Variants in UBR2 observed in about 807,000 individuals in gnomAD.
The protein encoded by UBR2 is E3 ubiquitin-protein ligase UBR2.
Under a neutral mutation model 247.9 loss-of-function variants are expected in UBR2, and 92 were observed. That is an observed-to-expected ratio of 0.37 (90% CI 0.31 to 0.44). UBR2 has a LOEUF of 0.44. UBR2 is among the 20% of genes least tolerant of loss of function. The probability of loss-of-function intolerance (pLI) is 1.00; values close to 1 mark genes in which losing one functional copy is unlikely to be tolerated. For synonymous variants in UBR2, 672 were observed against 693.5 expected (o/e 0.97, Z 0.49); for missense variants, 1,613 against 2,112.6 (o/e 0.76, Z 4.64).
intron 2 of UBR2, among the ~76,000 whole-genome samples, chr6:42,583,113 G>GCT (rs1792015449): frequency 6.6e-6 from 1 of 152,086 alleles, no homozygotes; most frequent in African/African-American, 2.4e-5. Flanking sequence ...TGTTTCTATG[G>GCT]TGGCTTTTGA....
At position 42,618,512 on chromosome 6, in the gene UBR2, C is replaced by T. The variant is rs537880856; in HGVS notation, c.1281+1005C>T. ...TATATTCTAATACAGTGGAAGCTGA[C>T]TGGAGTCTGTTTACCCATTAATGAG... On this transcript the variant is annotated intron_variant, in intron 11 of 46. Transcript: ENST00000372901. Among the ~76,000 whole-genome samples the T allele has an allele frequency of 1.9e-3, 282 of 152,280 alleles. 2 individuals carry two copies. The highest frequency in any genetic ancestry group is 6.5e-3 in the African/African-American group (272 of 41,562).
At position 42,573,769 on chromosome 6, in the gene UBR2, G is replaced by C. The variant is rs950978870; in HGVS notation, c.114G>C (p.Val38=). The part of the protein sequence containing the change: ...WLQATDLTRE[V]YQHLAHYVPK... The stretch of plus-strand genomic sequence containing the variant: ...AAGCAACTGACCTCACTAGAGAAGT[G>C]TACCAGCATTTAGCCCACTATGTAC... The change falls in exon 2 of 47, where the codon GTG becomes GTC. Residue 38 remains valine (V), a synonymous_variant. Transcript: ENST00000372901. 1 of 1,603,110 alleles carries C rather than the reference G, an allele frequency of 6.2e-7. No homozygotes were observed. The highest frequency in any genetic ancestry group is 1.3e-5 in the African/African-American group (1 of 74,646).
At position 42,646,807 on chromosome 6, in the gene UBR2, TTATA is replaced by T. The variant is rs369889480; in HGVS notation, c.2409+1228_2409+1231del. Among the ~76,000 whole-genome samples the T allele has an allele frequency of 1.0e-3, 149 of 148,528 alleles. 1 individual carries two copies. The highest frequency in any genetic ancestry group is 2.8e-3 in the African/African-American group (113 of 40,498). ...AAAACAATAATTTATATATATATGT[TTATA>T]TATATATATAGAGAGAGAGAGAGAG... On this transcript the variant is annotated intron_variant, in intron 21 of 46. Transcript: ENST00000372901.
intron 42 of UBR2, among the ~76,000 whole-genome samples, chr6:42,682,105 G>A (rs1799091808): frequency 6.6e-6 from 1 of 152,132 alleles, no homozygotes; most frequent in African/African-American, 2.4e-5. Flanking sequence ...TCTCACACAT[G>A]CTACAACGTG....
At chr6:42,669,214 G>A (rs551994999) in intron 34 of UBR2, among the ~76,000 whole-genome samples, 3 of 152,062 alleles carry the variant, frequency 2.0e-5, no homozygotes, top group Admixed American at 6.5e-5. Context: ...CTGAGCCACC[G>A]CACCCAGGCT....
At chr6:42,625,125 G>A (rs540317647) in intron 11 of UBR2, among the ~76,000 whole-genome samples, 14 of 152,198 alleles carry the variant, frequency 9.2e-5, no homozygotes, top group African/African-American at 3.1e-4. Flanking sequence ...TTTTGCAAAG[G>A]CACTTTACTC....
Position 42,658,744 on chromosome 6 carries a change from G to A in UBR2, c.3162G>A (p.Arg1054=). 6.2e-7 allele frequency: 1 copy of A among 1,613,068 alleles called. No individual in the cohort carries two copies. Among genetic ancestry groups the A allele is most frequent in the Non-Finnish European group, 8.5e-7 (1 of 1,179,818 alleles). ...TGGCTCAGATGTCTGAAATGCAGCGGCATTTTATTGATGAAAACAAAGAAC... is the reference window on the plus strand; with the variant it reads ...TGGCTCAGATGTCTGAAATGCAGCGACATTTTATTGATGAAAACAAAGAAC... ...KIMAQMSEMQ[R]HFIDENKELF... is the part of the protein sequence containing the mutation. Residue 1054 remains arginine (R), a synonymous_variant, in exon 29 of 47, where the codon CGG becomes CGA. Transcript: ENST00000372901.
At chr6:42,642,385 A>G in intron 17 of UBR2, 31 bp from the exon 18 acceptor site, 2 of 1,485,806 alleles carry the variant, frequency 1.3e-6, no homozygotes, top group East Asian at 4.9e-5. Flanking sequence ...AATAAAAACT[A>G]TTTACTCAAT....
intron 4 of UBR2, among the ~76,000 whole-genome samples, chr6:42,600,812 T>C (rs772165056): frequency 1.3e-5 from 2 of 151,654 alleles, no homozygotes; most frequent in African/African-American, 2.4e-5. Context: ...GCACCACTAC[T>C]CTCTGCTAAT....
intron 36 of UBR2, among the ~76,000 whole-genome samples, chr6:42,671,767 G>C (rs968985367): frequency 1.4e-4 from 22 of 152,048 alleles, no homozygotes; most frequent in African/African-American, 4.8e-4. Context: ...CCATCCTGCA[G>C]TTGTCATTTT....
At chr6:42,615,447 A>G (rs914064806) in intron 9 of UBR2, among the ~76,000 whole-genome samples, 2 of 152,248 alleles carry the variant, frequency 1.3e-5, no homozygotes, top group Middle Eastern at 3.4e-3. Flanking sequence ...GAAAATATGT[A>G]TTTTGCTCCT....
intron 40 of UBR2, 133 bp from the exon 41 acceptor site, chr6:42,678,406 A>G: frequency 1.1e-6 from 1 of 899,642 alleles, no homozygotes; most frequent in Non-Finnish European, 1.6e-6. Context: ...ACACACACCC[A>G]CTTGCCTGTT....
intron 4 of UBR2, among the ~76,000 whole-genome samples, chr6:42,598,084 G>A (rs1237167674): frequency 6.6e-6 from 1 of 152,118 alleles, no homozygotes; most frequent in East Asian, 1.9e-4. Context: ...CTATGCAGGA[G>A]TTCCACAGGT....
intron 36 of UBR2, among the ~76,000 whole-genome samples, chr6:42,671,185 CAAAAAAAA>C (rs67809948): frequency 1.2e-4 from 12 of 100,916 alleles, no homozygotes; most frequent in Admixed American, 8.3e-4. Flanking sequence ...AACTCCATCT[CAAAAAAAA>C]AAAAAAAAAA....
chr6:42,575,625 G>T (rs1380996875), intron 2 of UBR2, among the ~76,000 whole-genome samples: 1 of 152,094 alleles, frequency 6.6e-6, no homozygotes, highest in Non-Finnish European at 1.5e-5. Flanking sequence ...CTCAATTTGG[G>T]TTTGTCTGGT....
chr6:42,571,602 G>A (rs1477783453), intron 1 of UBR2, among the ~76,000 whole-genome samples: 2 of 151,592 alleles, frequency 1.3e-5, no homozygotes, highest in South Asian at 2.1e-4. Flanking sequence ...AATTAGCCGC[G>A]TGTGGTGGTG....
chr6:42,660,982 T>C (rs1797762449), intron 30 of UBR2, among the ~76,000 whole-genome samples: 1 of 133,872 alleles, frequency 7.5e-6, no homozygotes, highest in South Asian at 2.4e-4. Context: ...TTTGTTTGTT[T>C]GTTTGTTTGT....
chr6:42,570,943 C>T lies in UBR2; in HGVS notation c.79-2791C>T, dbSNP rs116210518. ...TCAAATGAGCCACCCGCCTTGGCCT[C>T]CCAAGTGCTGGGATTACAGGCATGA... On this transcript the variant is annotated intron_variant, in intron 1 of 46. Transcript: ENST00000372901. Among the ~76,000 whole-genome samples the T allele has an allele frequency of 8.2e-3, 1,247 of 151,718 alleles. 12 individuals carry two copies. Among genetic ancestry groups the T allele is most frequent in the African/African-American group, 0.027 (1,106 of 41,420 alleles).
chr6:42,644,135 T>A, intron 18 of UBR2, 79 bp from the exon 19 acceptor site: 1 of 1,444,950 alleles, frequency 6.9e-7, no homozygotes, highest in Non-Finnish European at 9.3e-7. Context: ...AGCCAAACTA[T>A]CTCTCACTAA....
Sources: allele counts gnomAD v4.1 joint callset (sites outside exome capture counted in the v4.1 genomes callset), GRCh38; gene constraint gnomAD v4.1.1; transcripts MANE v1.5; gene names NCBI Gene and HGNC (gene_info 2026-07-23, HGNC 2026-07-21).